The following TMEM266 variants were observed in gnomAD, a reference collection of about 807,000 sequenced individuals.
TMEM266 encodes transmembrane protein 266.
A neutral mutation model predicts 50.5 loss-of-function variants in TMEM266; 33 were observed. The ratio of observed to expected loss-of-function variants is 0.65; its 90% CI spans 0.50 to 0.87. The LOEUF (loss-of-function observed/expected upper bound fraction) is 0.87, where lower values mean the gene tolerates loss of function less well. Ranked by LOEUF, TMEM266 falls within the 40% of genes least tolerant of loss-of-function variation. TMEM266 has a pLI of 0.00. For missense variants in TMEM266, 655 were observed against 695.1 expected, an observed-to-expected ratio of 0.94 and a Z score of 0.65; for synonymous variants, 310 against 292.3, an observed-to-expected ratio of 1.06 and a Z score of -0.62.
At chr15:76,080,919 T>A (rs1344163347) in intron 1 of TMEM266, among the ~76,000 whole-genome samples, 1 of 127,620 alleles carries the variant, frequency 7.8e-6, no homozygotes, top group African/African-American at 2.8e-5. Context: ...CTAATTTTTT[T>A]TTTTTTTAAT....
intron 7 of TMEM266, among the ~76,000 whole-genome samples, chr15:76,174,073 G>C (rs1031080483): frequency 2.0e-5 from 3 of 152,118 alleles, no homozygotes; most frequent in African/African-American, 7.2e-5. Flanking sequence ...GCTGCACTTA[G>C]CCTACTTTTC....
At chr15:76,101,504 T>C (rs1306934244) in intron 1 of TMEM266, among the ~76,000 whole-genome samples, 4 of 152,232 alleles carry the variant, frequency 2.6e-5, no homozygotes, top group African/African-American at 9.6e-5. Context: ...GTTCCAGAAC[T>C]GGTGCAGGCA....
intron 3 of TMEM266, among the ~76,000 whole-genome samples, chr15:76,142,769 A>G (rs2037699689): frequency 6.6e-6 from 1 of 152,172 alleles, no homozygotes; most frequent in Non-Finnish European, 1.5e-5. Flanking sequence ...TGTCCTCCAG[A>G]TAGCTGCTTA....
Position 76,204,144 on chromosome 15 carries a change from C to G in TMEM266, c.1425C>G (p.Ser475Arg), listed in dbSNP as rs1262040134. 6.2e-7 allele frequency: 1 copy of G among 1,613,486 alleles called. No individual in the cohort carries two copies. Among genetic ancestry groups the G allele is most frequent in the East Asian group, 2.2e-5 (1 of 44,882 alleles). Residue 475 changes from serine to arginine, a missense_variant, in exon 11 of 11, where the codon AGC becomes AGG. Ser to Arg is a moderately radical substitution (Grantham distance 110, BLOSUM62 -1). This residue lies in a region of TMEM266 where 455 missense variants were observed against 401.8 expected (regional missense o/e 1.13). Coordinates refer to ENST00000388942, the MANE Select transcript of TMEM266 (RefSeq NM_152335.3). Reference sequence around the variant, plus strand: ...GCCCAGCGGGCTCGGCCCAAACCAGCCCCGAGCTGGAACACAGGGTAAGTC... The same window carrying G: ...GCCCAGCGGGCTCGGCCCAAACCAGGCCCGAGCTGGAACACAGGGTAAGTC... ...QTSPELEHRV[S>R]LFNQKNQEGF...
intron 1 of TMEM266, among the ~76,000 whole-genome samples, chr15:76,105,206 A>G (rs2037062435): frequency 6.6e-6 from 1 of 152,030 alleles, no homozygotes; most frequent in South Asian, 2.1e-4. Flanking sequence ...AGATCGCGCC[A>G]CTGTACTCCA....
chr15:76,092,449 G>A (rs1447324844), intron 1 of TMEM266, among the ~76,000 whole-genome samples: 1 of 152,006 alleles, frequency 6.6e-6, no homozygotes, highest in Non-Finnish European at 1.5e-5. Flanking sequence ...CAGCACTTTG[G>A]GAGGCCGAGG....
intron 4 of TMEM266, among the ~76,000 whole-genome samples, chr15:76,157,035 TGAAAA>T (rs2037938335): frequency 1.3e-5 from 2 of 152,198 alleles, no homozygotes; most frequent in Non-Finnish European, 2.9e-5. Context: ...ACTGATGAGA[TGAAAA>T]ACGTTGGGGA....
intron 8 of TMEM266, among the ~76,000 whole-genome samples, chr15:76,177,481 A>G (rs549310809): frequency 6.6e-6 from 1 of 152,368 alleles, no homozygotes; most frequent in East Asian, 1.9e-4. Flanking sequence ...GAACACGCAC[A>G]CAGTGTCTTC....
At chr15:76,162,361 G>C (rs1250148281) in intron 5 of TMEM266, among the ~76,000 whole-genome samples, 1 of 152,226 alleles carries the variant, frequency 6.6e-6, no homozygotes, top group African/African-American at 2.4e-5. Context: ...AGCAAGCACA[G>C]ATTTCCATGG....
At chr15:76,188,400 C>T (rs567365363) in intron 8 of TMEM266, among the ~76,000 whole-genome samples, 3 of 152,054 alleles carry the variant, frequency 2.0e-5, no homozygotes, top group East Asian at 1.9e-4. Flanking sequence ...GTCAGGAGTT[C>T]GAGACCAGCC....
chr15:76,175,418 G>A (rs1338142568), intron 7 of TMEM266, 141 bp from the exon 8 acceptor site: 1 of 637,954 alleles, frequency 1.6e-6, no homozygotes, highest in Admixed American at 2.5e-5. Flanking sequence ...ATGCTCTCGG[G>A]TACCTGGACA....
At chr15:76,151,354 G>C (rs1378247817) in intron 3 of TMEM266, among the ~76,000 whole-genome samples, 1 of 152,164 alleles carries the variant, frequency 6.6e-6, no homozygotes, top group Non-Finnish European at 1.5e-5. Context: ...AGGAATGTCC[G>C]AGTCATCTGA....
At chr15:76,189,579 C>T (rs2038537690) in intron 8 of TMEM266, among the ~76,000 whole-genome samples, 1 of 151,960 alleles carries the variant, frequency 6.6e-6, no homozygotes, top group Admixed American at 6.5e-5. Context: ...CTCGGAACCC[C>T]TGAGAGTCTG....
chr15:76,104,199 C>T (rs1596106500), intron 1 of TMEM266, among the ~76,000 whole-genome samples: 1 of 92,562 alleles, frequency 1.1e-5, no homozygotes, highest in Non-Finnish European at 2.2e-5. Context: ...GAGTGAGATT[C>T]TGTCTCAAAA....
intron 1 of TMEM266, among the ~76,000 whole-genome samples, chr15:76,065,374 G>A (rs2036394227): frequency 1.3e-5 from 2 of 152,110 alleles, no homozygotes; most frequent in Non-Finnish European, 2.9e-5. Flanking sequence ...AAATCCAATG[G>A]CTGTTTCTCA....
chr15:76,120,931 A>G (rs967795806), intron 1 of TMEM266, among the ~76,000 whole-genome samples: 1 of 152,160 alleles, frequency 6.6e-6, no homozygotes, highest in Non-Finnish European at 1.5e-5. Flanking sequence ...ATGATAATCA[A>G]TTTATATAAA....
At chr15:76,127,116 C>T (rs1385895708) in intron 1 of TMEM266, among the ~76,000 whole-genome samples, 1 of 151,802 alleles carries the variant, frequency 6.6e-6, no homozygotes, top group African/African-American at 2.4e-5. Flanking sequence ...CTCATTACTA[C>T]CAAACAAAAA....
rs60596277 is a variant in TMEM266, at chr15:76,179,952, T to TAAAAC, written c.768+4304_768+4308dup. On this transcript the variant is annotated intron_variant, in intron 8 of 10. Transcript: ENST00000388942. The stretch of plus-strand genomic sequence containing the variant: ...CTGGGCCACAGAGCAAGACTGTCTC[T>TAAAAC]AAAACAAAACAAAACAAAACAAAAC... 7.6e-3 allele frequency among the ~76,000 whole-genome samples: 1,162 copies of TAAAAC among 152,184 alleles called. 38 individuals are homozygous for TAAAAC. The East Asian group carries it at 0.11, about 14-fold the overall frequency.
chr15:76,119,062 G>A (rs2037296282), intron 1 of TMEM266, among the ~76,000 whole-genome samples: 1 of 152,192 alleles, frequency 6.6e-6, no homozygotes, highest in Non-Finnish European at 1.5e-5. Context: ...TGGGAATGAG[G>A]ACAGGAAAGC....
Sources: gnomAD v4.1 joint callset for allele counts (sites outside exome capture counted in the v4.1 genomes callset) on GRCh38, gnomAD v4.1.1 for gene constraint, gnomAD v4.1.1 regional missense constraint, MANE v1.5 for transcripts, NCBI Gene and HGNC (gene_info 2026-07-23, HGNC 2026-07-21) for gene names.